The following C12orf42 variants were observed in gnomAD, a reference collection of about 807,000 sequenced individuals.
C12orf42 encodes the protein chromosome 12 open reading frame 42.
In C12orf42, 25 loss-of-function variants were observed where a neutral mutation model predicts 21.6. That is an observed-to-expected ratio of 1.16 (90% confidence interval 0.84 to 1.62). The LOEUF (loss-of-function observed/expected upper bound fraction) is 1.62, where lower values mean the gene tolerates loss of function less well. Among genes scored for constraint, C12orf42 ranks in the 40% most tolerant of loss-of-function variants. The probability of loss-of-function intolerance (pLI) is 0.00; values close to 1 mark genes in which losing one functional copy is unlikely to be tolerated. For missense variants in C12orf42, 483 were observed against 459.3 expected, an observed-to-expected ratio of 1.05 and a Z score of -0.47; for synonymous variants, 174 against 175.0, an observed-to-expected ratio of 0.99 and a Z score of 0.05.
rs185258778 is a variant in C12orf42, at chr12:103,407,786, T to G, written c.79-6111A>C. ...CCCAATCCCATAGTGATTTAAGATT[T>G]TAACAGCCTTGGGGAAGACCTCCTG... On this transcript the variant is annotated intron_variant, in intron 2 of 5. Transcript: ENST00000548883. Among the ~76,000 whole-genome samples the G allele has an allele frequency of 5.9e-5, 9 of 152,288 alleles. No homozygotes were observed. In the East Asian group the frequency reaches 1.5e-3, roughly 26 times the overall value.
chr12:103,204,810 T>A, the C12orf42 span, among the ~76,000 whole-genome samples: 1 of 151,982 alleles, frequency 6.6e-6, no homozygotes, highest in African/African-American at 2.4e-5. Flanking sequence ...TTTTGGGACA[T>A]GAAGAAGAAG....
downstream of C12orf42, among the ~76,000 whole-genome samples, chr12:103,300,594 A>G (rs1293630438): frequency 2.6e-5 from 4 of 152,246 alleles, no homozygotes; most frequent in Admixed American, 2.6e-4. Flanking sequence ...CTTGAAATTG[A>G]CCATTACAAA....
At chr12:103,528,955 C>T in the C12orf42 span, among the ~76,000 whole-genome samples, 4 of 152,180 alleles carry the variant, frequency 2.6e-5, no homozygotes, top group South Asian at 8.3e-4. Context: ...ATCACAGAGG[C>T]GGTGAGTGGT....
At chr12:103,330,393 T>A (rs2041141294) in intron 4 of C12orf42, among the ~76,000 whole-genome samples, 1 of 152,198 alleles carries the variant, frequency 6.6e-6, no homozygotes, top group South Asian at 2.1e-4. Context: ...GTACGGGAAT[T>A]ACTCCCAGCG....
chr12:103,335,794 C>T (rs1398120148), intron 4 of C12orf42, among the ~76,000 whole-genome samples: 1 of 152,152 alleles, frequency 6.6e-6, no homozygotes, highest in African/African-American at 2.4e-5. Context: ...AAATGTTTCG[C>T]CAGAATAAAT....
chr12:103,495,394 C>T (rs1055721160), intron 1 of C12orf42, among the ~76,000 whole-genome samples: 1 of 152,068 alleles, frequency 6.6e-6, no homozygotes, highest in African/African-American at 2.4e-5. Context: ...CCACCGCCCC[C>T]AACCGCTCCG....
chr12:103,090,236 T>C, the C12orf42 span, among the ~76,000 whole-genome samples: 2 of 152,134 alleles, frequency 1.3e-5, no homozygotes, highest in African/African-American at 4.8e-5. Flanking sequence ...GTTTTTTTGG[T>C]TTTATGGAGG....
the C12orf42 span, among the ~76,000 whole-genome samples, chr12:103,104,441 GT>G: frequency 1.1e-4 from 17 of 152,168 alleles, 1 homozygote; most frequent in South Asian, 3.5e-3. Flanking sequence ...GTTGTTGTTT[GT>G]TTATTTGTTT....
the C12orf42 span, among the ~76,000 whole-genome samples, chr12:103,512,530 T>A: frequency 6.6e-6 from 1 of 152,228 alleles, no homozygotes; most frequent in Non-Finnish European, 1.5e-5. Flanking sequence ...AGTAGCCTGA[T>A]TAATCATTCA....
chr12:103,389,177 C>T (rs148118247), intron 3 of C12orf42, among the ~76,000 whole-genome samples: 219 of 152,268 alleles, frequency 1.4e-3, no homozygotes, highest in African/African-American at 4.9e-3. Flanking sequence ...GGGGCCATAG[C>T]CTTGAACTGT....
the C12orf42 span, among the ~76,000 whole-genome samples, chr12:103,211,619 T>A: frequency 1.3e-5 from 2 of 152,216 alleles, no homozygotes; most frequent in South Asian, 4.1e-4. Context: ...AGCAGGAAGG[T>A]CAGTTCTCCA....
chr12:103,250,327 TG>T (rs1246551617), intron 10 of C12orf42, among the ~76,000 whole-genome samples: 10 of 152,010 alleles, frequency 6.6e-5, no homozygotes, highest in African/African-American at 2.2e-4. Flanking sequence ...TCCTATGTTG[TG>T]GTTGCAAGAC....
At chr12:103,489,751 T>C (rs751698543) in intron 1 of C12orf42, among the ~76,000 whole-genome samples, 3 of 152,242 alleles carry the variant, frequency 2.0e-5, no homozygotes, top group Non-Finnish European at 4.4e-5. Flanking sequence ...TGGGACCCAC[T>C]GAGCCAGGCA....
chr12:103,148,460 T>A, the C12orf42 span, among the ~76,000 whole-genome samples: 1 of 152,126 alleles, frequency 6.6e-6, no homozygotes, highest in Admixed American at 6.6e-5. Flanking sequence ...ACTATACTGA[T>A]CTTTTTTGAT....
intron 2 of C12orf42, among the ~76,000 whole-genome samples, chr12:103,412,512 T>C (rs1162697282): frequency 2.6e-5 from 4 of 152,084 alleles, no homozygotes; most frequent in Non-Finnish European, 4.4e-5. Flanking sequence ...CTACTAAAAA[T>C]ACAAAAATCA....
chr12:103,164,804 C>T, the C12orf42 span: 2 of 433,498 alleles, frequency 4.6e-6, no homozygotes, highest in South Asian at 3.3e-5. Flanking sequence ...ATTACCGGTT[C>T]AGTAGGAGAG....
chr12:103,440,705 A>G (rs1157964050), intron 2 of C12orf42, among the ~76,000 whole-genome samples: 1 of 152,144 alleles, frequency 6.6e-6, no homozygotes, highest in East Asian at 1.9e-4. Flanking sequence ...CACAGAATTA[A>G]AACCCAGATT....
intron 3 of C12orf42, among the ~76,000 whole-genome samples, chr12:103,381,256 C>T (rs756901141): frequency 1.3e-5 from 2 of 152,130 alleles, no homozygotes; most frequent in African/African-American, 4.8e-5. Flanking sequence ...GTTCTTAAGA[C>T]AGTATGGAGA....
chr12:103,382,097 C>T (rs11111543), intron 3 of C12orf42, among the ~76,000 whole-genome samples: 6,858 of 152,170 alleles, frequency 0.045, 428 homozygotes, highest in East Asian at 0.18. Flanking sequence ...CAATTGAGAA[C>T]TGTGAGTAGC....
Sources: allele counts gnomAD v4.1 joint callset (sites outside exome capture counted in the v4.1 genomes callset), GRCh38; gene constraint gnomAD v4.1.1; transcripts MANE v1.5; gene names NCBI Gene and HGNC (gene_info 2026-07-23, HGNC 2026-07-21).